Variants in MPP3 observed in about 807,000 individuals in gnomAD.
The protein encoded by MPP3 is MAGUK p55 scaffold protein 3, also known as MAGUK p55 subfamily member 3.
MPP3 carries 48 observed loss-of-function variants against 80.7 expected under a neutral mutation model. The observed-to-expected ratio is 0.59, with a 90% CI of 0.47 to 0.76. MPP3 has a LOEUF of 0.76. Ranked by LOEUF, MPP3 falls within the 30% of genes least tolerant of loss-of-function variation. The pLI is 0.00. For missense variants in MPP3, 620 were observed against 763.0 expected, an observed-to-expected ratio of 0.81 and a Z score of 2.21; for synonymous variants, 311 against 297.6, an observed-to-expected ratio of 1.04 and a Z score of -0.46.
At chr17:43,808,775 C>G (rs2044723647) in intron 19 of MPP3, among the ~76,000 whole-genome samples, 181 bp downstream of exon 19, 1 of 149,662 alleles carries the variant, frequency 6.7e-6, no homozygotes, top group African/African-American at 2.6e-5. Context: ...TCACCTTGAG[C>G]CTTCTGGCCA....
At chr17:43,822,227 T>A (rs990545820) in intron 10 of MPP3, among the ~76,000 whole-genome samples, 13 of 152,222 alleles carry the variant, frequency 8.5e-5, no homozygotes, top group African/African-American at 3.1e-4. Flanking sequence ...AACAGCTATA[T>A]AAAGATTATT....
intron 12 of MPP3, 122 bp downstream of exon 12, chr17:43,817,924 A>G (rs548919255): frequency 4.1e-4 from 136 of 331,540 alleles, no homozygotes; most frequent in Non-Finnish European, 6.3e-4. Context: ...TCTGGAGTCC[A>G]TGAGCTCAGA....
At chr17:43,826,831 T>TATATATATATATATATATATATA (rs57570654) in intron 8 of MPP3, among the ~76,000 whole-genome samples, 5 of 118,516 alleles carry the variant, frequency 4.2e-5, no homozygotes, top group African/African-American at 2.0e-4. Flanking sequence ...TATATATATA[T>TATATATATATATATATATATATA]TTTTTTTTTT....
At chr17:43,807,501 G>A (rs2044670367) in intron 19 of MPP3, among the ~76,000 whole-genome samples, 1 of 150,280 alleles carries the variant, frequency 6.7e-6, no homozygotes, top group South Asian at 2.1e-4. Flanking sequence ...TAATTTTTTT[G>A]TAGAGATGGG....
At chr17:43,827,326 T>TTGC (rs1567825152) in intron 8 of MPP3, among the ~76,000 whole-genome samples, 10 of 143,618 alleles carry the variant, frequency 7.0e-5, no homozygotes, top group African/African-American at 2.4e-4. Context: ...TTTTTTTTTT[T>TTGC]TTCTTTTTTT....
Position 43,801,866 on chromosome 17 carries a change from C to T in MPP3, c.1593G>A (p.Gln531=), listed in dbSNP as rs1178085325. The part of the protein sequence containing the change: ...EDTAAPFDEQ[Q]QEMAASAAFI... Reference sequence around the variant, plus strand: ...AGGCGGCAGAAGCGGCCATCTCTTGCTGCTGCTCATCCTGCAAGGAAAGGG... The same window carrying T: ...AGGCGGCAGAAGCGGCCATCTCTTGTTGCTGCTCATCCTGCAAGGAAAGGG... The change falls in exon 20 of 20, where the codon CAG becomes CAA. Residue 531 remains glutamine (Q), a synonymous_variant. Transcript: ENST00000398389. The T allele has an allele frequency of 1.9e-6, 3 of 1,612,294 alleles. No individual in the cohort carries two copies. The highest frequency in any genetic ancestry group is 2.5e-6 in the Non-Finnish European group (3 of 1,179,398).
intron 19 of MPP3, among the ~76,000 whole-genome samples, chr17:43,806,386 G>A (rs1024866741): frequency 1.3e-5 from 2 of 152,028 alleles, no homozygotes; most frequent in East Asian, 2.0e-4. Flanking sequence ...GGCTGATCTC[G>A]AACTCCTGAC....
rs9892150 is a variant in MPP3 at position 43,807,911 on chromosome 17, G to A, written c.1581+1045C>T. ...GGAGTTCAAGGCTGCAGTGAGCCAT[G>A]ATTGTACCACTGCACTCCAGTCTGG... On this transcript the variant is annotated intron_variant, in intron 19 of 19. Coordinates refer to ENST00000398389, the MANE Select transcript of MPP3 (RefSeq NM_001932.6). 8.7e-3 allele frequency among the ~76,000 whole-genome samples: 1,316 copies of A among 151,676 alleles called. 17 individuals carry two copies. The highest frequency in any genetic ancestry group is 0.029 in the African/African-American group (1,184 of 41,312).
chr17:43,809,633 A>C (rs1388474635), intron 18 of MPP3, among the ~76,000 whole-genome samples: 5 of 152,186 alleles, frequency 3.3e-5, no homozygotes, highest in Non-Finnish European at 7.4e-5. Flanking sequence ...TAATCCCAGC[A>C]CTTTGGGAGG....
At chr17:43,816,830 T>C (rs1196227020) in intron 12 of MPP3, 133 bp from the exon 13 acceptor site, 3 of 791,726 alleles carry the variant, frequency 3.8e-6, no homozygotes, top group Non-Finnish European at 6.5e-6. Context: ...CCAACGAACC[T>C]GTGATCTGAG....
At position 43,826,830 on chromosome 17, in the gene MPP3, A is replaced by ATAT. The variant is rs1310143147; in HGVS notation, c.523+920_523+921insATA. 2.4e-3 allele frequency among the ~76,000 whole-genome samples: 326 copies of ATAT among 137,672 alleles called. 1 individual carries two copies. Among genetic ancestry groups the ATAT allele is most frequent in the Middle Eastern group, 3.8e-3 (1 of 266 alleles). The allele number at this position is 137,672 out of a possible 152,430, so 90.3% of individuals were successfully genotyped here. A position where few individuals can be genotyped will look rare whatever the true frequency, so the allele number is the denominator to read the frequency against. ...TCCATGACTATTTATATATATATAT[A>ATAT]TTTTTTTTTTTTTTCTTTTTTTTTT... On this transcript the variant is annotated intron_variant, in intron 8 of 19. Coordinates refer to ENST00000398389, the MANE Select transcript of MPP3 (RefSeq NM_001932.6).
In MPP3 at chr17:43,820,976, C is replaced by T. The variant is rs373681606; in HGVS notation, c.767G>A (p.Arg256His). The change falls in exon 11 of 20, where the codon CGC becomes CAC. Residue 256 changes from arginine to histidine, a missense_variant. Transcript: ENST00000398389. ...GCTCACCACCTCCAGGACCTGCCTG[C>T]GCTGGAAGGGCAGGCCCGCCTCCTG... ...PCQEAGLPFQ[R>H]RQVLEVVSQD... is the part of the protein sequence containing the mutation. The T allele has an allele frequency of 1.4e-5, 22 of 1,612,512 alleles. No homozygotes were observed. The highest frequency in any genetic ancestry group is 1.8e-4 in the Middle Eastern group (1 of 5,688).
chr17:43,824,417 GT>G (rs992661071), intron 9 of MPP3, among the ~76,000 whole-genome samples: 2 of 152,048 alleles, frequency 1.3e-5, no homozygotes, highest in African/African-American at 4.8e-5. Context: ...ACCCATTTCG[GT>G]TTCCTTTGCC....
intron 6 of MPP3, 61 bp downstream of exon 6, chr17:43,829,966 C>G: frequency 6.4e-7 from 1 of 1,574,072 alleles, no homozygotes; most frequent in Non-Finnish European, 8.7e-7. Context: ...TAGGAGAGCT[C>G]CCTCCGCCCC....
Position 43,830,047 on chromosome 17 carries a change from G to A in MPP3, c.283C>T (p.Leu95=). 1 of 1,592,864 alleles carries A rather than the reference G, an allele frequency of 6.3e-7. No individual in the cohort carries two copies. Among genetic ancestry groups the A allele is most frequent in the Admixed American group, 1.8e-5 (1 of 56,572 alleles). The change falls in exon 6 of 20, where the codon CTG becomes TTG. Residue 95 remains leucine, a synonymous_variant. Coordinates refer to ENST00000398389, the MANE Select transcript of MPP3 (RefSeq NM_001932.6). ...HSDERELLQL[L]STPHLRAVLM... ...ACTACCCTCAGGTGCGGGGTGGACA[G>A]CAGCTGGAGCAGCTCCCTCTCATCA...
intron 8 of MPP3, among the ~76,000 whole-genome samples, chr17:43,826,831 T>TATATA (rs57570654): frequency 1.8e-4 from 21 of 118,536 alleles, no homozygotes; most frequent in African/African-American, 7.7e-4. Context: ...TATATATATA[T>TATATA]TTTTTTTTTT....
At chr17:43,803,335 A>G (rs1057311891) in intron 19 of MPP3, among the ~76,000 whole-genome samples, 13 of 152,240 alleles carry the variant, frequency 8.5e-5, no homozygotes. Context: ...TGCATCTGGA[A>G]AGAACTTAAG....
intron 16 of MPP3, among the ~76,000 whole-genome samples, chr17:43,811,755 G>A (rs1033159798): frequency 2.6e-5 from 4 of 151,890 alleles, no homozygotes; most frequent in African/African-American, 7.2e-5. Context: ...CACCACACCC[G>A]GCTAATTTTG....
At chr17:43,824,429 T>C (rs1223524896) in intron 9 of MPP3, among the ~76,000 whole-genome samples, 1 of 152,158 alleles carries the variant, frequency 6.6e-6, no homozygotes, top group Non-Finnish European at 1.5e-5. Flanking sequence ...TTCCTTTGCC[T>C]CTTTCCTGCC....
Sources: gnomAD v4.1 joint callset for allele counts (sites outside exome capture counted in the v4.1 genomes callset) on GRCh38, gnomAD v4.1.1 for gene constraint, MANE v1.5 for transcripts, NCBI Gene and HGNC (gene_info 2026-07-23, HGNC 2026-07-21) for gene names.